Variants in LYRM4 observed in about 807,000 individuals in gnomAD.
LYRM4 encodes LYR motif-containing protein 4.
In LYRM4, 9 loss-of-function variants were observed where a neutral mutation model predicts 11.7. That is an observed-to-expected ratio of 0.77 (90% CI 0.46 to 1.34). The LOEUF (loss-of-function observed/expected upper bound fraction) is 1.34, where lower values mean the gene tolerates loss of function less well. LYRM4 is among the 40% of genes most tolerant of loss of function. The pLI is 0.00. For missense variants in LYRM4, 133 were observed against 112.5 expected, an observed-to-expected ratio of 1.18 and a Z score of -0.82; for synonymous variants, 42 against 40.4, an observed-to-expected ratio of 1.04 and a Z score of -0.15.
chr6:5,144,157 A>G, intron 2 of LYRM4: 1 of 1,536,738 alleles, frequency 6.5e-7, no homozygotes, highest in South Asian at 1.2e-5. Context: ...GAGGAAGAGC[A>G]AACGTCTGTC....
chr6:5,166,925 A>C (rs1338731570), intron 2 of LYRM4, among the ~76,000 whole-genome samples: 1 of 152,186 alleles, frequency 6.6e-6, no homozygotes, highest in Non-Finnish European at 1.5e-5. Flanking sequence ...AAGCCATTCA[A>C]ACCAAATCAG....
chr6:5,118,773 G>T (rs1763264638), intron 2 of LYRM4, among the ~76,000 whole-genome samples: 1 of 152,166 alleles, frequency 6.6e-6, no homozygotes, highest in South Asian at 2.1e-4. Context: ...AGTCTGTTCT[G>T]TATAGCAGCA....
In LYRM4 at chr6:5,180,308, G is replaced by A. The variant is rs534228968; in HGVS notation, c.207+36310C>T. 3.9e-5 allele frequency among the ~76,000 whole-genome samples: 6 copies of A among 152,278 alleles called. No individual in the cohort carries two copies. The South Asian group carries it at 6.2e-4, about 16-fold the overall frequency. On this transcript the variant is annotated intron_variant, in intron 2 of 2. Transcript: ENST00000330636. ...GGCAGGATTGAACATCTTCCTAAGCGTGTGACTGTTATCTCGTGATTTCCT... is the reference window on the plus strand; with the variant it reads ...GGCAGGATTGAACATCTTCCTAAGCATGTGACTGTTATCTCGTGATTTCCT...
At chr6:5,034,372 T>C in the LYRM4 span, 1 of 152,378 alleles carries the variant, frequency 6.6e-6, no homozygotes, top group South Asian at 2.1e-4. Context: ...TTTGGATGTT[T>C]GTCCCATCCA....
At chr6:5,157,489 G>C (rs1758484035) in intron 2 of LYRM4, among the ~76,000 whole-genome samples, 1 of 149,372 alleles carries the variant, frequency 6.7e-6, no homozygotes, top group Non-Finnish European at 1.5e-5. Context: ...CAAACAGGAA[G>C]TACCTAAACA....
At chr6:5,100,648 G>C (rs1244911276), downstream of LYRM4, among the ~76,000 whole-genome samples, 1 of 152,144 alleles carries the variant, frequency 6.6e-6, no homozygotes, top group Non-Finnish European at 1.5e-5. Context: ...GGATCAAAAG[G>C]GGTTCCTGTG....
At chr6:5,114,426 T>C (rs1433470835) in intron 2 of LYRM4, among the ~76,000 whole-genome samples, 1 of 152,178 alleles carries the variant, frequency 6.6e-6, no homozygotes, top group African/African-American at 2.4e-5. Context: ...CCTTACTGAC[T>C]TGAATGCACA....
chr6:5,087,043 T>G, the LYRM4 span: 1 of 157,832 alleles, frequency 6.3e-6, no homozygotes. Context: ...GGACTGTGGG[T>G]GCACGCGTGG....
chr6:5,189,730 A>G (rs902829253), intron 2 of LYRM4, among the ~76,000 whole-genome samples: 3 of 152,214 alleles, frequency 2.0e-5, no homozygotes, highest in Admixed American at 6.5e-5. Context: ...AGAGTTCAAA[A>G]AGCAAAAAAG....
At chr6:5,060,340 A>C in the LYRM4 span, among the ~76,000 whole-genome samples, 1 of 151,460 alleles carries the variant, frequency 6.6e-6, no homozygotes, top group Admixed American at 6.6e-5. Context: ...TTTTGCCATG[A>C]AAAAATGTTG....
downstream of LYRM4, among the ~76,000 whole-genome samples, chr6:5,100,137 T>C (rs987685740): frequency 3.3e-5 from 5 of 152,206 alleles, no homozygotes; most frequent in Non-Finnish European, 7.3e-5. Flanking sequence ...AACTTACCTC[T>C]TGCAGGCCTC....
the LYRM4 span, among the ~76,000 whole-genome samples, chr6:5,056,483 T>G: frequency 6.6e-6 from 1 of 152,326 alleles, no homozygotes; most frequent in East Asian, 1.9e-4. Flanking sequence ...ATCTTGCACT[T>G]TAAGCGGATC....
intron 2 of LYRM4, among the ~76,000 whole-genome samples, chr6:5,135,072 G>A (rs185237694): frequency 5.6e-4 from 21 of 37,270 alleles, no homozygotes; most frequent in Non-Finnish European, 9.9e-4. Context: ...CGGGACTGTG[G>A]AGGGTGCGGT....
chr6:5,057,719 A>G, the LYRM4 span, among the ~76,000 whole-genome samples: 1,657 of 151,620 alleles, frequency 0.011, 25 homozygotes, highest in South Asian at 0.035. Flanking sequence ...CATCTAAAAA[A>G]AAAAAGAAAA....
At chr6:5,086,251 G>C in the LYRM4 span, 1 of 1,535,572 alleles carries the variant, frequency 6.5e-7, no homozygotes, top group Non-Finnish European at 8.7e-7. Flanking sequence ...CACCTTTACC[G>C]AGTGGCGCTC....
At chr6:5,074,885 T>A in the LYRM4 span, among the ~76,000 whole-genome samples, 1,077 of 152,290 alleles carry the variant, frequency 7.1e-3, 10 homozygotes, top group African/African-American at 0.025. Context: ...TGAATTGTAA[T>A]CCCTAATGTT....
chr6:5,086,606 C>T, the LYRM4 span: 1 of 1,408,856 alleles, frequency 7.1e-7, no homozygotes, highest in East Asian at 2.5e-5. Flanking sequence ...TTGATTAGCA[C>T]GTGGAGCTCG....
chr6:5,203,780 G>A (rs1353823923), intron 2 of LYRM4, among the ~76,000 whole-genome samples: 6 of 152,206 alleles, frequency 3.9e-5, no homozygotes, highest in Non-Finnish European at 7.3e-5. Context: ...CTCGTGTTGC[G>A]TCTAAGCGGC....
chr6:5,086,034 G>A, the LYRM4 span: 1 of 1,489,598 alleles, frequency 6.7e-7, no homozygotes, highest in Non-Finnish European at 8.9e-7. Flanking sequence ...TGCTGGCCGC[G>A]GCGGCAGTGG....
Sources: allele counts gnomAD v4.1 joint callset (sites outside exome capture counted in the v4.1 genomes callset), GRCh38; gene constraint gnomAD v4.1.1; transcripts MANE v1.5; gene names NCBI Gene and HGNC (gene_info 2026-07-23, HGNC 2026-07-21).